The following ADAM9 variants were observed in gnomAD, a reference collection of about 807,000 sequenced individuals.
ADAM9 encodes the protein ADAM metallopeptidase domain 9.
ADAM9 carries 54 observed loss-of-function variants against 108.1 expected under a neutral mutation model. That is an observed-to-expected ratio of 0.50 (90% CI 0.40 to 0.63). The LOEUF is 0.63. Ranked by LOEUF, ADAM9 falls within the 20% of genes least tolerant of loss-of-function variation. The pLI, the probability that ADAM9 is intolerant of heterozygous loss-of-function variation, is 0.00. For synonymous variants in ADAM9, 316 were observed against 336.0 expected, an observed-to-expected ratio of 0.94 and a Z score of 0.65; for missense variants, 830 against 997.7, an observed-to-expected ratio of 0.83 and a Z score of 2.26.
At chr8:39,075,700 A>G (rs758103195) in intron 15 of ADAM9, among the ~76,000 whole-genome samples, 1 of 152,200 alleles carries the variant, frequency 6.6e-6, no homozygotes. Context: ...CACCAAGCCT[A>G]TGTATGAAAT....
At chr8:39,040,751 C>T (rs561881021) in intron 11 of ADAM9, among the ~76,000 whole-genome samples, 6 of 152,220 alleles carry the variant, frequency 3.9e-5, no homozygotes, top group South Asian at 4.1e-4. Flanking sequence ...AAAACAGACA[C>T]GTAGACCGAT....
Position 39,013,816 on chromosome 8 carries a change from A to G in ADAM9, c.255-149A>G, listed in dbSNP as rs997354012. On this transcript the variant is annotated intron_variant, in intron 3 of 21. Transcript: ENST00000487273. ...TGCACCCAGCTGTTATGAGCTTTTA[A>G]TTTTACAATAGCACATTTAAAAATA... 3 of 701,070 alleles carry G rather than the reference A, an allele frequency of 4.3e-6. No homozygotes were observed. The African/African-American group carries it at 5.4e-5, about 13-fold the overall frequency. The allele number at this position is 701,070 out of a possible 1,614,324, so 43.4% of individuals were successfully genotyped here.
At chr8:39,024,060 C>G (rs1179728868) in intron 9 of ADAM9, among the ~76,000 whole-genome samples, 2 of 152,068 alleles carry the variant, frequency 1.3e-5, no homozygotes, top group Non-Finnish European at 2.9e-5. Context: ...CCGTGAAATC[C>G]TTTTTCTTCA....
At chr8:39,045,393 T>TAC (rs1198758196) in intron 12 of ADAM9, among the ~76,000 whole-genome samples, 1 of 146,254 alleles carries the variant, frequency 6.8e-6, no homozygotes, top group Non-Finnish European at 1.5e-5. Flanking sequence ...TAGGTGTGTG[T>TAC]ACACACACCT....
chr8:39,059,363 G>A (rs1015573970), intron 14 of ADAM9, among the ~76,000 whole-genome samples: 1 of 152,202 alleles, frequency 6.6e-6, no homozygotes, highest in Non-Finnish European at 1.5e-5. Context: ...AGGGAATGGT[G>A]TCATACTGGG....
intron 11 of ADAM9, among the ~76,000 whole-genome samples, chr8:39,039,068 G>A (rs762792233): frequency 6.6e-6 from 1 of 152,102 alleles, no homozygotes; most frequent in Non-Finnish European, 1.5e-5. Context: ...AGACCAGTTA[G>A]CAAAGAAGAG....
At chr8:39,054,600 A>G (rs1838057171) in intron 13 of ADAM9, 27 bp downstream of exon 13, 1 of 1,184,082 alleles carries the variant, frequency 8.4e-7, no homozygotes, top group Non-Finnish European at 1.2e-6. Context: ...TTTTGGAAAC[A>G]GGAAAAAAAA....
At position 39,096,267 on chromosome 8, in the gene ADAM9, A is replaced by C. The variant is rs1268846349; in HGVS notation, c.2298+4921A>C. Among the ~76,000 whole-genome samples, 28 of 130,520 alleles carry C rather than the reference A, an allele frequency of 2.1e-4. 4 individuals are homozygous for C. In the Admixed American group the frequency reaches 2.3e-3, roughly 11 times the overall value. 85.6% of individuals were successfully genotyped at this position (130,520 alleles called of 152,430 possible). ...TTTAGCTATTTTGAAATATACAATA[A>C]ATTAATCATTTTCTTTGTTTTTTTG... On this transcript the variant is annotated intron_variant, in intron 20 of 21. Coordinates refer to ENST00000487273, the MANE Select transcript of ADAM9 (RefSeq NM_003816.3).
chr8:39,044,381 A>G (rs1029719531), intron 12 of ADAM9, among the ~76,000 whole-genome samples: 1 of 152,162 alleles, frequency 6.6e-6, no homozygotes, highest in Admixed American at 6.5e-5. Flanking sequence ...GTTGAAGATC[A>G]GGTGATCTCA....
At chr8:39,048,995 A>C (rs938921078) in intron 12 of ADAM9, among the ~76,000 whole-genome samples, 4 of 115,540 alleles carry the variant, frequency 3.5e-5, no homozygotes, top group African/African-American at 7.2e-5. Context: ...TAGATAGCAT[A>C]TAGTTTTTTT....
chr8:39,011,231 T>C (rs148430359), intron 2 of ADAM9, among the ~76,000 whole-genome samples: 3 of 152,330 alleles, frequency 2.0e-5, no homozygotes, highest in Non-Finnish European at 2.9e-5. Context: ...GTAAGCCCTG[T>C]AATTTGTATC....
intron 6 of ADAM9, among the ~76,000 whole-genome samples, chr8:39,017,989 A>G (rs1255178506): frequency 1.1e-4 from 16 of 152,272 alleles, no homozygotes; most frequent in Admixed American, 1.0e-3. Flanking sequence ...TAGGAACTTA[A>G]TGACTTCAGA....
intron 2 of ADAM9, among the ~76,000 whole-genome samples, chr8:39,009,927 AG>A (rs1227971485): frequency 1.5e-3 from 136 of 91,776 alleles, no homozygotes; most frequent in African/African-American, 5.7e-3. Context: ...AGAGAGAGAG[AG>A]AGAGACAAAA....
chr8:39,071,383 A>G lies in ADAM9; in HGVS notation c.1677A>G (p.Glu559=), dbSNP rs745947386. The G allele has an allele frequency of 1.0e-4, 166 of 1,613,940 alleles. No homozygotes were observed. Among genetic ancestry groups the G allele is most frequent in the Non-Finnish European group, 1.3e-4 (149 of 1,179,952 alleles). The stretch of plus-strand genomic sequence containing the variant: ...GCAATTGTGGTTTCTCTGGCAATGA[A>G]TACAAGAAGTGTGCCACTGGGTAAG... The part of the protein sequence containing the change: ...RFGNCGFSGN[E]YKKCATGNAL... Residue 559 remains glutamate, a synonymous_variant, in exon 15 of 22, where the codon GAA becomes GAG. Transcript: ENST00000487273.
intron 1 of ADAM9, among the ~76,000 whole-genome samples, chr8:39,005,755 A>G (rs1836141490): frequency 6.6e-6 from 1 of 152,220 alleles, no homozygotes. Context: ...CTCCATTTTC[A>G]TTAAAAACAA....
rs543490000 is a variant in ADAM9 at position 39,093,942 on chromosome 8, A to T, written c.2298+2596A>T. Reference sequence around the variant, plus strand: ...GTGCCACCCTGCCCAGCTAATTTTTATATTTTTAGTAGAGAGACAGGGTTT... The same window carrying T: ...GTGCCACCCTGCCCAGCTAATTTTTTTATTTTTAGTAGAGAGACAGGGTTT... On this transcript the variant is annotated intron_variant, in intron 20 of 21. Coordinates refer to ENST00000487273, the MANE Select transcript of ADAM9 (RefSeq NM_003816.3). Among the ~76,000 whole-genome samples the T allele has an allele frequency of 1.3e-4, 20 of 151,980 alleles. No homozygotes were observed. The South Asian group carries it at 3.9e-3, about 30-fold the overall frequency.
chr8:39,070,571 A>C (rs762356702), intron 14 of ADAM9, among the ~76,000 whole-genome samples: 27 of 152,284 alleles, frequency 1.8e-4, no homozygotes, highest in African/African-American at 6.0e-4. Flanking sequence ...CATAGGCAAC[A>C]TAGCAAGACC....
chr8:39,010,890 C>G (rs1235352362), intron 2 of ADAM9, among the ~76,000 whole-genome samples: 1 of 151,942 alleles, frequency 6.6e-6, no homozygotes, highest in Admixed American at 6.6e-5. Context: ...GTCAGGAGTT[C>G]AAGACCAGCC....
chr8:39,065,727 TTGTC>T (rs949980710), intron 14 of ADAM9, among the ~76,000 whole-genome samples: 3 of 151,856 alleles, frequency 2.0e-5, no homozygotes, highest in African/African-American at 7.3e-5. Context: ...TCTCTCATGT[TTGTC>T]AGTATGTTAA....
Sources: gnomAD v4.1 joint callset for allele counts (sites outside exome capture counted in the v4.1 genomes callset) on GRCh38, gnomAD v4.1.1 for gene constraint, MANE v1.5 for transcripts, NCBI Gene and HGNC (gene_info 2026-07-23, HGNC 2026-07-21) for gene names.